Variants in IL1R1 observed in about 807,000 individuals in gnomAD.
IL1R1 encodes the protein interleukin-1 receptor type 1.
Under a neutral mutation model 50.2 loss-of-function variants are expected in IL1R1, and 22 were observed. The ratio of observed to expected loss-of-function variants is 0.44; its 90% CI spans 0.31 to 0.63. The LOEUF (loss-of-function observed/expected upper bound fraction) is 0.63, where lower values mean the gene tolerates loss of function less well. IL1R1 is among the 20% of genes least tolerant of loss of function. IL1R1 has a pLI of 0.07. For missense variants in IL1R1, 509 were observed against 676.2 expected, an observed-to-expected ratio of 0.75 and a Z score of 2.74; for synonymous variants, 251 against 236.7, an observed-to-expected ratio of 1.06 and a Z score of -0.55.
chr2:102,151,868 G>A (rs189360182), intron 1 of IL1R1, among the ~76,000 whole-genome samples: 6 of 152,286 alleles, frequency 3.9e-5, no homozygotes, highest in South Asian at 2.1e-4. Flanking sequence ...GGAATGGCAC[G>A]GTGCTTATAA....
At chr2:102,093,022 G>A (rs71415340) in intron 1 of IL1R1, among the ~76,000 whole-genome samples, 18,193 of 152,198 alleles carry the variant, frequency 0.12, 1,161 homozygotes, top group East Asian at 0.19. Flanking sequence ...GTGCTGATTA[G>A]CAGTTTTGGA....
At chr2:102,174,901 T>G (rs2104644214) in intron 10 of IL1R1, among the ~76,000 whole-genome samples, 171 bp downstream of exon 10, 1 of 152,316 alleles carries the variant, frequency 6.6e-6, no homozygotes, top group East Asian at 1.9e-4. Context: ...CTCATTAGGC[T>G]GAATATCATT....
At chr2:102,074,945 A>G (rs1201057862) in intron 1 of IL1R1, among the ~76,000 whole-genome samples, 1 of 152,044 alleles carries the variant, frequency 6.6e-6, no homozygotes, top group Non-Finnish European at 1.5e-5. Context: ...TATTTAACTC[A>G]TTAATTATCT....
chr2:102,147,708 T>G (rs1451157534), intron 1 of IL1R1, among the ~76,000 whole-genome samples: 4 of 152,178 alleles, frequency 2.6e-5, no homozygotes, highest in African/African-American at 9.7e-5. Context: ...TGGCATCTGG[T>G]GACGGTGATC....
chr2:102,118,928 G>T (rs1415074922), intron 1 of IL1R1, among the ~76,000 whole-genome samples: 1 of 141,920 alleles, frequency 7.0e-6, no homozygotes, highest in Admixed American at 7.6e-5. Context: ...TGAGGCAGGA[G>T]AATGGTATGA....
chr2:102,139,692 A>G (rs1455160559), upstream of IL1R1, among the ~76,000 whole-genome samples: 1 of 151,416 alleles, frequency 6.6e-6, no homozygotes, highest in African/African-American at 2.4e-5. Flanking sequence ...AGTGAGTGGC[A>G]CCTCCCGCAC....
rs1445371421 is a variant in IL1R1 at position 102,154,018 on chromosome 2, G to C, written c.-7+1G>C. ...GGTAAAAGACAAGGCCTTCTCCAAG[G>C]TAACAGGGCTGAGTCACCCCAGGGT... is the stretch of plus-strand genomic sequence containing the variant. On this transcript the variant is annotated splice_donor_variant, in intron 2 of 11. Coordinates refer to ENST00000410023, the MANE Select transcript of IL1R1 (RefSeq NM_000877.4). LOFTEE classifies it low-confidence loss of function (5UTR_SPLICE). 6.6e-6 allele frequency: 1 copy of C among 152,254 alleles called. No individual in the cohort carries two copies. Among genetic ancestry groups the C allele is most frequent in the Non-Finnish European group, 1.5e-5 (1 of 68,024 alleles). The allele number at this position is 152,254 out of a possible 1,614,324, so 9.4% of individuals were successfully genotyped here.
intron 1 of IL1R1, among the ~76,000 whole-genome samples, chr2:102,148,934 G>T (rs1683392383): frequency 6.6e-6 from 1 of 150,912 alleles, no homozygotes; most frequent in Non-Finnish European, 1.5e-5. Context: ...AACAGAGCAA[G>T]ACTCTGTCTC....
chr2:102,091,433 T>C (rs970305502), intron 1 of IL1R1, among the ~76,000 whole-genome samples: 5 of 152,338 alleles, frequency 3.3e-5, no homozygotes. Context: ...TTTTATAGTC[T>C]TGAGAAAGTG....
intron 1 of IL1R1, among the ~76,000 whole-genome samples, chr2:102,112,539 G>A (rs1680829929): frequency 6.6e-6 from 1 of 152,114 alleles, no homozygotes; most frequent in South Asian, 2.1e-4. Flanking sequence ...CTTCTGAGAA[G>A]GGACTCCTGG....
At chr2:102,124,347 G>A (rs1381686792) in intron 1 of IL1R1, among the ~76,000 whole-genome samples, 1 of 152,014 alleles carries the variant, frequency 6.6e-6, no homozygotes, top group Non-Finnish European at 1.5e-5. Context: ...TTGAACCCAG[G>A]AGGTGGAGGA....
At chr2:102,122,535 G>A (rs895904383) in intron 1 of IL1R1, among the ~76,000 whole-genome samples, 2 of 152,188 alleles carry the variant, frequency 1.3e-5, no homozygotes, top group Non-Finnish European at 2.9e-5. Context: ...AGTGAGGGGC[G>A]CTCAGTTATG....
intron 7 of IL1R1, among the ~76,000 whole-genome samples, chr2:102,169,157 A>G (rs1455443796): frequency 2.6e-5 from 4 of 152,224 alleles, no homozygotes; most frequent in Non-Finnish European, 4.4e-5. Context: ...TTACAATTTC[A>G]GGACTGGATT....
chr2:102,108,458 G>T (rs906367388), intron 1 of IL1R1, among the ~76,000 whole-genome samples: 3 of 152,144 alleles, frequency 2.0e-5, no homozygotes, highest in African/African-American at 7.2e-5. Flanking sequence ...TGGACTGAGA[G>T]CTCCTCAAAG....
chr2:102,148,994 G>T (rs926154086), intron 1 of IL1R1, among the ~76,000 whole-genome samples: 3 of 151,796 alleles, frequency 2.0e-5, no homozygotes, highest in Non-Finnish European at 4.4e-5. Flanking sequence ...GTAACAGGAA[G>T]ACATCATAAT....
At position 102,130,781 on chromosome 2, in the gene IL1R1, T is replaced by A. The variant is rs558196040; in HGVS notation, c.-83-23160T>A. Among the ~76,000 whole-genome samples the A allele has an allele frequency of 3.1e-3, 477 of 152,298 alleles. 3 individuals are homozygous for A. Among genetic ancestry groups the A allele is most frequent in the African/African-American group, 0.011 (457 of 41,538 alleles). ...TCACTGATGAACTTCAGAAACTGTG[T>A]CAGTAGATTTCTGATGCCAGCCAGG... On this transcript the variant is annotated intron_variant, in intron 1 of 10. Transcript: ENST00000409329.
At chr2:102,076,596 C>A (rs1185343320) in intron 1 of IL1R1, among the ~76,000 whole-genome samples, 1 of 152,108 alleles carries the variant, frequency 6.6e-6, no homozygotes, top group African/African-American at 2.4e-5. Context: ...TTTTATAGGT[C>A]TAGAATTATT....
chr2:102,088,105 C>T (rs1341565176), intron 1 of IL1R1, among the ~76,000 whole-genome samples: 1 of 152,176 alleles, frequency 6.6e-6, no homozygotes, highest in Non-Finnish European at 1.5e-5. Context: ...AACTTCTAAA[C>T]TCCTGTTAAT....
At chr2:102,076,062 T>C (rs1178563386) in intron 1 of IL1R1, among the ~76,000 whole-genome samples, 3 of 152,246 alleles carry the variant, frequency 2.0e-5, no homozygotes, top group Non-Finnish European at 2.9e-5. Flanking sequence ...CTTCTACATA[T>C]GTTATGAGAC....
Sources: gnomAD v4.1 joint callset for allele counts (sites outside exome capture counted in the v4.1 genomes callset) on GRCh38, gnomAD v4.1.1 for gene constraint, MANE v1.5 for transcripts, NCBI Gene and HGNC (gene_info 2026-07-23, HGNC 2026-07-21) for gene names.